The following OR6C74 variants were observed in gnomAD, a reference collection of about 807,000 sequenced individuals.
The protein encoded by OR6C74 is olfactory receptor family 6 subfamily C member 74.
For synonymous variants in OR6C74, 142 were observed against 134.2 expected (o/e 1.06, Z -0.40); for missense variants, 361 against 362.9 (o/e 0.99, Z 0.04).
In OR6C74 at chr12:55,249,420, T is replaced by C. The variant is rs1362432914; in HGVS notation, c.*1194T>C. 6.6e-6 allele frequency among the ~76,000 whole-genome samples: 1 copy of C among 152,096 alleles called. No homozygotes were observed. The highest frequency in any genetic ancestry group is 2.4e-5 in the African/African-American group (1 of 41,442). ...GAATAATTCTGACTGGAAGGATTTA[T>C]TTTTCTGACTTATAAAATTATTATA... On this transcript the variant is annotated 3_prime_UTR_variant, in exon 2 of 2. Coordinates refer to ENST00000343399, the MANE Select transcript of OR6C74 (RefSeq NM_001005490.2).
In OR6C74 at chr12:55,247,943, T is replaced by C. The variant is rs760386836; in HGVS notation, c.656T>C (p.Ile219Thr). 7 of 1,613,902 alleles carry C rather than the reference T, an allele frequency of 4.3e-6. No homozygotes were observed. The South Asian group carries it at 6.6e-5, about 15-fold the overall frequency. Residue 219 changes from isoleucine to threonine, a missense_variant, in exon 2 of 2, where the codon ATT (isoleucine) becomes ACT (threonine). Physicochemically the swap from Ile to Thr is moderately conservative, Grantham distance 89. Transcript: ENST00000343399. ...TTAGTGATTCTCTCCTACACAAATA[T>C]TATCAGGACTATTCTGAAAATACCT... ...LVLVILSYTN[I>T]IRTILKIPSS...
In OR6C74 at chr12:55,250,728, AT is replaced by A. The variant is rs1954306763; in HGVS notation, c.*2503del. ...TTTTCTGGAAGTGAAAAGGAAAAAA[AT>A]AACCAACTGTTTTTCACCAGTATTA... On this transcript the variant is annotated 3_prime_UTR_variant, in exon 2 of 2. Transcript: ENST00000343399. Among the ~76,000 whole-genome samples the A allele has an allele frequency of 6.6e-6, 1 of 152,116 alleles. No homozygotes were observed. The highest frequency in any genetic ancestry group is 2.4e-5 in the African/African-American group (1 of 41,440).
rs577026477 is a variant in OR6C74, at chr12:55,255,902, A to C, written c.*7676A>C. ...GTGGTTGCCAGGACTTTGTTGGAGT[A>C]AGGATTAAACGAGGAAGCATAGGGA... On this transcript the variant is annotated 3_prime_UTR_variant, in exon 2 of 2. Transcript: ENST00000343399. Among the ~76,000 whole-genome samples, 1 of 152,258 alleles carries C rather than the reference A, an allele frequency of 6.6e-6. No homozygotes were observed. The highest frequency in any genetic ancestry group is 1.9e-4 in the East Asian group (1 of 5,170).
chr12:55,252,395 A>G lies in OR6C74; in HGVS notation c.*4169A>G, dbSNP rs112408024. 1.5e-4 allele frequency among the ~76,000 whole-genome samples: 21 copies of G among 143,124 alleles called. No individual in the cohort carries two copies. Among genetic ancestry groups the G allele is most frequent in the African/African-American group, 3.0e-4 (12 of 39,648 alleles). 93.9% of individuals were successfully genotyped at this position (143,124 alleles called of 152,430 possible). On this transcript the variant is annotated 3_prime_UTR_variant, in exon 2 of 2. Coordinates refer to ENST00000343399, the MANE Select transcript of OR6C74 (RefSeq NM_001005490.2). Reference sequence around the variant, plus strand: ...TGGAAATCACAATAATTATTCTTCAATCCCATTCAAATATGCTTTTTTTTT... The same window carrying G: ...TGGAAATCACAATAATTATTCTTCAGTCCCATTCAAATATGCTTTTTTTTT...
rs1954292022 is a variant in OR6C74, at chr12:55,248,511, A to T, written c.*285A>T. 1.3e-5 allele frequency among the ~76,000 whole-genome samples: 2 copies of T among 152,128 alleles called. No individual in the cohort carries two copies. Among genetic ancestry groups the T allele is most frequent in the South Asian group, 4.1e-4 (2 of 4,828 alleles). On this transcript the variant is annotated 3_prime_UTR_variant, in exon 2 of 2. Coordinates refer to ENST00000343399, the MANE Select transcript of OR6C74 (RefSeq NM_001005490.2). ...TTCTCTCAGAGGAAGACAAAGTGAGACTTCAGTTTTTCCATGCTCTTTTCC... is the reference window on the plus strand; with the variant it reads ...TTCTCTCAGAGGAAGACAAAGTGAGTCTTCAGTTTTTCCATGCTCTTTTCC...
chr12:55,255,319 G>A lies in OR6C74; in HGVS notation c.*7093G>A, dbSNP rs7978249. On this transcript the variant is annotated 3_prime_UTR_variant, in exon 2 of 2. Transcript: ENST00000343399. ...CAGATGTTGGTGAGGATGTGGAGAA[G>A]TAGGAACACTTTTACACTGTTGGTG... Among the ~76,000 whole-genome samples, 18,396 of 152,106 alleles carry A rather than the reference G, an allele frequency of 0.12. 2,456 individuals carry two copies. The highest frequency in any genetic ancestry group is 0.34 in the African/African-American group (13,908 of 41,462).
rs1485985433 is a variant in OR6C74, at chr12:55,251,216, A to C, written c.*2990A>C. On this transcript the variant is annotated 3_prime_UTR_variant, in exon 2 of 2. Transcript: ENST00000343399. Reference sequence around the variant, plus strand: ...ATATTGAATGCCTGCCCATTGCCCAAATCTCTGTTAGCTTGCAAAACTTCA... The same window carrying C: ...ATATTGAATGCCTGCCCATTGCCCACATCTCTGTTAGCTTGCAAAACTTCA... 6.6e-6 allele frequency among the ~76,000 whole-genome samples: 1 copy of C among 152,064 alleles called. No homozygotes were observed. Among genetic ancestry groups the C allele is most frequent in the African/African-American group, 2.4e-5 (1 of 41,430 alleles).
chr12:55,248,004 T>A lies in OR6C74; in HGVS notation c.717T>A (p.Cys239Ter), dbSNP rs938552718. 1.9e-6 allele frequency: 3 copies of A among 1,614,112 alleles called. No homozygotes were observed. Among genetic ancestry groups the A allele is most frequent in the Non-Finnish European group, 2.5e-6 (3 of 1,179,958 alleles). Residue 239 changes from cysteine (C) to a stop codon, truncating the protein, a stop_gained, in exon 2 of 2, where the codon TGT (cysteine) becomes TGA (stop). Transcript: ENST00000343399. LOFTEE classifies it high-confidence loss of function. ...AGAGAAAAAAAGCATTTTCTACATG[T>A]TCTTCCCACATGGTGGTCGTGTCCA... ...SQQRKKAFSTCSSHMVVVSIS... is the reference protein window; with the variant it reads ...SQQRKKAFST
Position 55,253,622 on chromosome 12 carries a change from T to C in OR6C74, c.*5396T>C, listed in dbSNP as rs1354017049. Among the ~76,000 whole-genome samples the C allele has an allele frequency of 6.6e-6, 1 of 152,088 alleles. No homozygotes were observed. Among genetic ancestry groups the C allele is most frequent in the East Asian group, 1.9e-4 (1 of 5,182 alleles). On this transcript the variant is annotated 3_prime_UTR_variant, in exon 2 of 2. Transcript: ENST00000343399. ...CTGACTCCAATTTCTTCCACTCTTA[T>C]AAGTAAACACACTGGCATTTTATAG...
chr12:55,254,887 T>C lies in OR6C74; in HGVS notation c.*6661T>C, dbSNP rs1217232354. Among the ~76,000 whole-genome samples, 1 of 152,132 alleles carries C rather than the reference T, an allele frequency of 6.6e-6. No individual in the cohort carries two copies. Among genetic ancestry groups the C allele is most frequent in the Non-Finnish European group, 1.5e-5 (1 of 67,996 alleles). On this transcript the variant is annotated 3_prime_UTR_variant, in exon 2 of 2. Coordinates refer to ENST00000343399, the MANE Select transcript of OR6C74 (RefSeq NM_001005490.2). ...CAAGATGATATTAACTAATTATAAA[T>C]TACCCTTCTTAAGGATCTATTTCAT...
Position 55,248,345 on chromosome 12 carries a change from C to A in OR6C74, c.*119C>A. ...TACCTCTTTTTTGACTTATAATTTT[C>A]ATTATGGCCTTCCTAATCTCCAAAG... On this transcript the variant is annotated 3_prime_UTR_variant, in exon 2 of 2. Coordinates refer to ENST00000343399, the MANE Select transcript of OR6C74 (RefSeq NM_001005490.2). The A allele has an allele frequency of 1.6e-6, 1 of 637,216 alleles. No homozygotes were observed. The highest frequency in any genetic ancestry group is 2.7e-6 in the Non-Finnish European group (1 of 377,066). 39.5% of individuals were successfully genotyped at this position (637,216 alleles called of 1,614,324 possible). A position where few individuals can be genotyped will look rare whatever the true frequency, so the allele number is the denominator to read the frequency against.
chr12:55,246,161 G>C (rs1954269027), intron 1 of OR6C74, among the ~76,000 whole-genome samples: 14 of 151,948 alleles, frequency 9.2e-5, no homozygotes, highest in Admixed American at 8.5e-4. Flanking sequence ...ACCTAAGCAT[G>C]GTCTGGAAAA....
rs749219932 is a variant in OR6C74, at chr12:55,247,786, T to C, written c.499T>C (p.Cys167Arg). The C allele has an allele frequency of 3.1e-6, 5 of 1,614,068 alleles. No individual in the cohort carries two copies. The South Asian group carries it at 4.4e-5, about 14-fold the overall frequency. ...PLLMGLQLDFCAANTVDHFFC... is the reference protein window; with the variant it reads ...PLLMGLQLDFRAANTVDHFFC... ...CCTGATGGGTCTCCAGCTTGATTTC[T>C]GTGCAGCCAACACTGTAGATCATTT... The change falls in exon 2 of 2, where the codon TGT (cysteine) becomes CGT (arginine). Residue 167 changes from cysteine to arginine, a missense_variant. Transcript: ENST00000343399.
In OR6C74 at chr12:55,250,354, C is replaced by A. The variant is rs1246477886; in HGVS notation, c.*2128C>A. ...ATGTATATTAAAAACTTTTTCTCCC[C>A]TTTTTTAATCCAAAAATGAATTATT... On this transcript the variant is annotated 3_prime_UTR_variant, in exon 2 of 2. Coordinates refer to ENST00000343399, the MANE Select transcript of OR6C74 (RefSeq NM_001005490.2). 2.6e-5 allele frequency among the ~76,000 whole-genome samples: 4 copies of A among 151,924 alleles called. No homozygotes were observed. Among genetic ancestry groups the A allele is most frequent in the African/African-American group, 9.7e-5 (4 of 41,362 alleles).
rs1212118801 is a variant in OR6C74 at position 55,248,653 on chromosome 12, T to A, written c.*427T>A. Among the ~76,000 whole-genome samples the A allele has an allele frequency of 1.3e-5, 2 of 152,230 alleles. No homozygotes were observed. The highest frequency in any genetic ancestry group is 4.8e-5 in the African/African-American group (2 of 41,458). ...TGGTGGATACAAAAGTGAAATCTGCTTTCTTTCTTAGTGTTTAGTAGAATC... is the reference window on the plus strand; with the variant it reads ...TGGTGGATACAAAAGTGAAATCTGCATTCTTTCTTAGTGTTTAGTAGAATC... On this transcript the variant is annotated 3_prime_UTR_variant, in exon 2 of 2. Transcript: ENST00000343399.
At position 55,252,595 on chromosome 12, in the gene OR6C74, GT is replaced by G. The variant is rs535810451; in HGVS notation, c.*4370del. On this transcript the variant is annotated 3_prime_UTR_variant, in exon 2 of 2. Coordinates refer to ENST00000343399, the MANE Select transcript of OR6C74 (RefSeq NM_001005490.2). Reference sequence around the variant, plus strand: ...TAAATAATTTCCAGTAACAAAAATCGTGGAAAGAATTTCAAACAGTCAATTT... The same window carrying G: ...TAAATAATTTCCAGTAACAAAAATCGGGAAAGAATTTCAAACAGTCAATTT... Among the ~76,000 whole-genome samples the G allele has an allele frequency of 1.2e-3, 189 of 151,870 alleles. 1 individual carries two copies. The highest frequency in any genetic ancestry group is 4.2e-3 in the African/African-American group (173 of 41,514).
intron 1 of OR6C74, among the ~76,000 whole-genome samples, chr12:55,245,833 A>C (rs1359690848): frequency 6.6e-6 from 1 of 152,196 alleles, no homozygotes; most frequent in Non-Finnish European, 1.5e-5. Flanking sequence ...TAATTTTAAA[A>C]AACTTCCTAA....
At position 55,256,279 on chromosome 12, in the gene OR6C74, G is replaced by C. The variant is rs534242224; in HGVS notation, c.*8053G>C. ...AAATGGACGCATTGGGGGGGCACCT[G>C]TTCATATGGATAAGATAGGGCTATA... is the stretch of plus-strand genomic sequence containing the variant. On this transcript the variant is annotated 3_prime_UTR_variant, in exon 2 of 2. Coordinates refer to ENST00000343399, the MANE Select transcript of OR6C74 (RefSeq NM_001005490.2). Among the ~76,000 whole-genome samples, 25 of 152,200 alleles carry C rather than the reference G, an allele frequency of 1.6e-4. No homozygotes were observed. The highest frequency in any genetic ancestry group is 6.0e-4 in the African/African-American group (25 of 41,554).
In OR6C74 at chr12:55,248,541, T is replaced by C. The variant is rs1954292174; in HGVS notation, c.*315T>C. ...AGTTTTTCCATGCTCTTTTCCACTC[T>C]TCTGGAATTCAAGGACCCAATTTGT... is the stretch of plus-strand genomic sequence containing the variant. On this transcript the variant is annotated 3_prime_UTR_variant, in exon 2 of 2. Transcript: ENST00000343399. Among the ~76,000 whole-genome samples, 1 of 152,196 alleles carries C rather than the reference T, an allele frequency of 6.6e-6. No homozygotes were observed. Among genetic ancestry groups the C allele is most frequent in the African/African-American group, 2.4e-5 (1 of 41,458 alleles).
Sources: allele counts gnomAD v4.1 joint callset (sites outside exome capture counted in the v4.1 genomes callset), GRCh38; gene constraint gnomAD v4.1.1; transcripts MANE v1.5; gene names NCBI Gene and HGNC (gene_info 2026-07-23, HGNC 2026-07-21).